The following FOXN3 variants were observed in gnomAD, a reference collection of about 807,000 sequenced individuals.
The protein encoded by FOXN3 is forkhead box N3.
FOXN3 carries 7 observed loss-of-function variants against 38.4 expected under a neutral mutation model. That is an observed-to-expected ratio of 0.18 (90% CI 0.10 to 0.34). The LOEUF is 0.34. Among genes scored for constraint, FOXN3 ranks in the 10% least tolerant of loss-of-function variants. The pLI is 1.00. For missense variants in FOXN3, 456 were observed against 613.4 expected, an observed-to-expected ratio of 0.74 and a Z score of 2.71; for synonymous variants, 230 against 242.2, an observed-to-expected ratio of 0.95 and a Z score of 0.47.
At chr14:89,430,120 AG>A (rs1892125046) in intron 1 of FOXN3, among the ~76,000 whole-genome samples, 1 of 152,244 alleles carries the variant, frequency 6.6e-6, no homozygotes, top group South Asian at 2.1e-4. Flanking sequence ...TAGAAATTGA[AG>A]GCTGACCTTA....
chr14:89,343,723 CCA>C lies in FOXN3; in HGVS notation c.680+6947_680+6948del, dbSNP rs1555419635. ...GAAGCTTAAATGTCTGGAATTTATT[CCA>C]AAAAAAAAAAAAAGATGAGAGTAAA... is the stretch of plus-strand genomic sequence containing the variant. On this transcript the variant is annotated intron_variant, in intron 3 of 5. Coordinates refer to ENST00000557258, the MANE Select transcript of FOXN3 (RefSeq NM_005197.4). Among the ~76,000 whole-genome samples, 48 of 98,132 alleles carry C rather than the reference CCA, an allele frequency of 4.9e-4. No individual in the cohort carries two copies. The South Asian group carries it at 7.8e-3, about 16-fold the overall frequency. The allele number at this position is 98,132 out of a possible 152,430, so 64.4% of individuals were successfully genotyped here. A position where few individuals can be genotyped will look rare whatever the true frequency, so the allele number is the denominator to read the frequency against.
At chr14:89,538,461 G>A (rs1413481648) in intron 1 of FOXN3, among the ~76,000 whole-genome samples, 1 of 152,180 alleles carries the variant, frequency 6.6e-6, no homozygotes, top group Non-Finnish European at 1.5e-5. Flanking sequence ...AATGAAGCAG[G>A]AGGCTGCCAT....
At chr14:89,447,545 T>C (rs1260489893) in intron 1 of FOXN3, among the ~76,000 whole-genome samples, 2 of 152,092 alleles carry the variant, frequency 1.3e-5, no homozygotes, top group South Asian at 2.1e-4. Flanking sequence ...ATCCTCTCTG[T>C]TGAAAAACAC....
intron 4 of FOXN3, among the ~76,000 whole-genome samples, chr14:89,272,449 T>C (rs1029014973): frequency 6.6e-6 from 1 of 152,118 alleles, no homozygotes; most frequent in Non-Finnish European, 1.5e-5. Flanking sequence ...ATGGTAAAAT[T>C]AGGAGTAATT....
chr14:89,598,678 T>C (rs974754235), intron 1 of FOXN3, among the ~76,000 whole-genome samples: 4 of 152,242 alleles, frequency 2.6e-5, no homozygotes, highest in African/African-American at 4.8e-5. Flanking sequence ...TTTCAGCAAT[T>C]TGAAGATAGC....
At chr14:89,312,805 A>T (rs1326138004) in intron 3 of FOXN3, among the ~76,000 whole-genome samples, 1 of 152,216 alleles carries the variant, frequency 6.6e-6, no homozygotes, top group African/African-American at 2.4e-5. Flanking sequence ...CCAGGCCTAA[A>T]GACAGGACCA....
chr14:89,265,755 C>T (rs7150886), intron 4 of FOXN3, among the ~76,000 whole-genome samples: 101,455 of 152,134 alleles, frequency 0.67, 33,967 homozygotes, highest in African/African-American at 0.76. Flanking sequence ...GATCGTCCTA[C>T]TTGAGACTCT....
At chr14:89,165,467 G>A (rs1887215941) in intron 5 of FOXN3, among the ~76,000 whole-genome samples, 1 of 152,164 alleles carries the variant, frequency 6.6e-6, no homozygotes, top group East Asian at 1.9e-4. Flanking sequence ...TTCTATTCTG[G>A]ATCGGGAGGC....
At chr14:89,478,863 C>T (rs558447136) in intron 1 of FOXN3, among the ~76,000 whole-genome samples, 3 of 131,604 alleles carry the variant, frequency 2.3e-5, no homozygotes, top group East Asian at 5.0e-4. Context: ...ACCCAGGAGG[C>T]GGAGGTTGCA....
chr14:89,560,347 C>T (rs987295944), intron 1 of FOXN3, among the ~76,000 whole-genome samples: 1 of 152,148 alleles, frequency 6.6e-6, no homozygotes, highest in African/African-American at 2.4e-5. Flanking sequence ...AGGGACTGGC[C>T]AGGCTGCGGC....
intron 1 of FOXN3, among the ~76,000 whole-genome samples, chr14:89,580,452 A>T (rs1276528336): frequency 6.6e-6 from 1 of 152,312 alleles, no homozygotes; most frequent in East Asian, 1.9e-4. Context: ...AGAGTTAAGG[A>T]CCACATAACA....
chr14:89,503,049 C>A (rs1025434278), intron 1 of FOXN3, among the ~76,000 whole-genome samples: 2 of 152,044 alleles, frequency 1.3e-5, no homozygotes, highest in Admixed American at 6.6e-5. Context: ...CAGCCCCAAG[C>A]GGGAAGAAAA....
At position 89,160,972 on chromosome 14, in the gene FOXN3, G is replaced by GA. The variant is rs1300090918; in HGVS notation, c.*1441dup. The GA allele has an allele frequency of 6.6e-6, 1 of 151,732 alleles. No individual in the cohort carries two copies. Among genetic ancestry groups the GA allele is most frequent in the Non-Finnish European group, 1.5e-5 (1 of 67,892 alleles). The allele number at this position is 151,732 out of a possible 1,614,324, so 9.4% of individuals were successfully genotyped here. On this transcript the variant is annotated 3_prime_UTR_variant, in exon 6 of 6. Transcript: ENST00000557258. ...GAAAGAAAAAAGAAGAAAACCAAAAGAAACTCTAAGCCTAAGGGCTTAAAA... is the reference window on the plus strand; with the variant it reads ...GAAAGAAAAAAGAAGAAAACCAAAAGAAAACTCTAAGCCTAAGGGCTTAAAA...
At chr14:89,400,432 T>C (rs1037506501) in intron 2 of FOXN3, among the ~76,000 whole-genome samples, 1 of 152,118 alleles carries the variant, frequency 6.6e-6, no homozygotes, top group Admixed American at 6.5e-5. Flanking sequence ...TCCTGACAGC[T>C]CCACTTAGAT....
intron 2 of FOXN3, among the ~76,000 whole-genome samples, chr14:89,386,586 G>A (rs1372680133): frequency 1.3e-5 from 2 of 152,206 alleles, no homozygotes; most frequent in Non-Finnish European, 2.9e-5. Flanking sequence ...CACCTAACAA[G>A]GGCTCAATCA....
intron 2 of FOXN3, among the ~76,000 whole-genome samples, chr14:89,366,476 T>C (rs188130738): frequency 1.6e-3 from 251 of 152,276 alleles, no homozygotes; most frequent in African/African-American, 5.1e-3. Flanking sequence ...GTAAAAGACA[T>C]ACATTAAATT....
chr14:89,505,803 C>G (rs1481478833), intron 1 of FOXN3, among the ~76,000 whole-genome samples: 2 of 151,708 alleles, frequency 1.3e-5, no homozygotes. Flanking sequence ...CGCCTCTTCC[C>G]GGCCACCATC....
At chr14:89,378,857 CCA>C (rs1268244050) in intron 2 of FOXN3, among the ~76,000 whole-genome samples, 1 of 152,130 alleles carries the variant, frequency 6.6e-6, no homozygotes, top group Non-Finnish European at 1.5e-5. Context: ...CAGGCACACA[CCA>C]CCACGTCCAG....
intron 1 of FOXN3, among the ~76,000 whole-genome samples, chr14:89,423,775 G>T (rs1019520032): frequency 6.6e-6 from 1 of 152,228 alleles, no homozygotes; most frequent in Non-Finnish European, 1.5e-5. Flanking sequence ...TGAAGGCACT[G>T]GTGGGAAGTG....
Sources: allele counts gnomAD v4.1 joint callset (sites outside exome capture counted in the v4.1 genomes callset), GRCh38; gene constraint gnomAD v4.1.1; transcripts MANE v1.5; gene names NCBI Gene and HGNC (gene_info 2026-07-23, HGNC 2026-07-21).